The following CTNND2 variants were observed in gnomAD, a reference collection of about 807,000 sequenced individuals.
CTNND2 encodes the protein catenin delta-2.
CTNND2 carries 22 observed loss-of-function variants against 144.4 expected under a neutral mutation model. The ratio of observed to expected loss-of-function variants is 0.15; its 90% CI spans 0.11 to 0.22. CTNND2 has a LOEUF of 0.22. Among genes scored for constraint, CTNND2 ranks in the 10% least tolerant of loss-of-function variants. CTNND2 has a pLI of 1.00. For synonymous variants in CTNND2, 751 were observed against 695.6 expected (o/e 1.08, Z -1.25); for missense variants, 1,353 against 1,618.8 (o/e 0.84, Z 2.82).
At chr5:10,985,130 A>C (rs1737781849) in intron 20 of CTNND2, among the ~76,000 whole-genome samples, 1 of 152,178 alleles carries the variant, frequency 6.6e-6, no homozygotes, top group Non-Finnish European at 1.5e-5. Context: ...AAATGGCATA[A>C]GAAAGACACT....
chr5:11,891,103 C>T (rs1736922825), intron 1 of CTNND2, among the ~76,000 whole-genome samples: 1 of 152,054 alleles, frequency 6.6e-6, no homozygotes, highest in Non-Finnish European at 1.5e-5. Flanking sequence ...GGAGGTTCAA[C>T]CAAGATGAAA....
At chr5:11,629,746 C>T (rs1781326518) in intron 2 of CTNND2, among the ~76,000 whole-genome samples, 1 of 151,928 alleles carries the variant, frequency 6.6e-6, no homozygotes, top group South Asian at 2.1e-4. Context: ...TCATAGCTCA[C>T]TGCATCCTTG....
At chr5:11,369,592 TC>T (rs35203064) in intron 7 of CTNND2, among the ~76,000 whole-genome samples, 9,779 of 152,326 alleles carry the variant, frequency 0.064, 477 homozygotes, top group East Asian at 0.12. Context: ...ATATATTCAT[TC>T]AACACATTCA....
intron 9 of CTNND2, among the ~76,000 whole-genome samples, chr5:11,324,700 C>G (rs540144810): frequency 1.3e-5 from 2 of 152,146 alleles, no homozygotes; most frequent in African/African-American, 4.8e-5. Context: ...TCTTCTCAGC[C>G]GAGGGCAGCC....
At chr5:11,089,377 C>G (rs1008579123) in intron 15 of CTNND2, among the ~76,000 whole-genome samples, 1 of 152,186 alleles carries the variant, frequency 6.6e-6, no homozygotes, top group African/African-American at 2.4e-5. Context: ...GCAAAAACAA[C>G]CTCATGGATG....
chr5:11,704,857 T>A, intron 2 of CTNND2, among the ~76,000 whole-genome samples: 1 of 151,762 alleles, frequency 6.6e-6, no homozygotes, highest in Non-Finnish European at 1.5e-5. Context: ...GAAAACAACA[T>A]AATCACACGT....
intron 9 of CTNND2, among the ~76,000 whole-genome samples, chr5:11,262,761 CAAAAAAAAAAAAAAA>C (rs11289676): frequency 8.3e-4 from 38 of 45,696 alleles, no homozygotes; most frequent in East Asian, 3.7e-3. Flanking sequence ...GACTCTGTCT[CAAAAAAAAAAAAAAA>C]AAAAAAAAAA....
At chr5:11,285,004 T>C (rs2150004131) in intron 9 of CTNND2, among the ~76,000 whole-genome samples, 1 of 152,310 alleles carries the variant, frequency 6.6e-6, no homozygotes, top group Non-Finnish European at 1.5e-5. Flanking sequence ...AGCCTTCTTC[T>C]CAATGAGAGC....
intron 18 of CTNND2, among the ~76,000 whole-genome samples, chr5:11,001,157 C>T (rs1739919528): frequency 6.6e-6 from 1 of 152,168 alleles, no homozygotes; most frequent in Non-Finnish European, 1.5e-5. Flanking sequence ...TCAAACATCC[C>T]CACCTTTGAT....
chr5:11,182,183 G>A (rs1404020533), intron 11 of CTNND2, among the ~76,000 whole-genome samples: 1 of 146,622 alleles, frequency 6.8e-6, no homozygotes, highest in Non-Finnish European at 1.5e-5. Flanking sequence ...GGCGTGTGGT[G>A]TGTGTGGGGT....
chr5:11,698,928 CAAT>C (rs1561706306), intron 2 of CTNND2, among the ~76,000 whole-genome samples: 1 of 150,412 alleles, frequency 6.6e-6, no homozygotes, highest in African/African-American at 2.4e-5. Flanking sequence ...TAATTAATAT[CAAT>C]AAGCATATTT....
At chr5:11,623,174 G>T (rs758357896) in intron 2 of CTNND2, among the ~76,000 whole-genome samples, 1 of 152,066 alleles carries the variant, frequency 6.6e-6, no homozygotes, top group Non-Finnish European at 1.5e-5. Context: ...ATATCAAATC[G>T]GTAGAAGTGT....
chr5:11,893,388 A>T (rs1313586137), intron 1 of CTNND2, among the ~76,000 whole-genome samples: 1 of 152,208 alleles, frequency 6.6e-6, no homozygotes, highest in Admixed American at 6.5e-5. Flanking sequence ...AGGTATATAC[A>T]TCCAGAGCTT....
chr5:11,657,004 G>C (rs1479172402), intron 2 of CTNND2, among the ~76,000 whole-genome samples: 2 of 152,078 alleles, frequency 1.3e-5, no homozygotes, highest in Non-Finnish European at 2.9e-5. Flanking sequence ...AAACATTCCA[G>C]TGACATATTC....
Position 11,098,590 on chromosome 5 carries a change from A to C in CTNND2, c.2622T>G (p.Ala874=). The C allele has an allele frequency of 6.2e-7, 1 of 1,613,930 alleles. No homozygotes were observed. The part of the protein sequence containing the change: ...EGAAGALQNL[A]AGSWKWSVYI... ...CTGGCCATACCTTCCAGCTCCCTGC[A>C]GCCAAGTTCTGCAGGGCGCCTGCCG... The change falls in exon 15 of 22, where the codon GCT becomes GCG. Residue 874 remains alanine, a synonymous_variant. Transcript: ENST00000304623.
At chr5:11,747,745 C>T (rs1464231680) in intron 1 of CTNND2, among the ~76,000 whole-genome samples, 1 of 152,084 alleles carries the variant, frequency 6.6e-6, no homozygotes, top group African/African-American at 2.4e-5. Context: ...CGTGCTTAAG[C>T]CAGTCACAAC....
intron 1 of CTNND2, among the ~76,000 whole-genome samples, chr5:11,743,799 G>A (rs765674478): frequency 3.9e-5 from 6 of 152,224 alleles, no homozygotes; most frequent in South Asian, 4.2e-4. Flanking sequence ...GGGGATTACC[G>A]TTCTACCTCT....
chr5:11,729,417 T>C (rs1787204475), intron 2 of CTNND2, among the ~76,000 whole-genome samples: 2 of 152,160 alleles, frequency 1.3e-5, no homozygotes. Flanking sequence ...TAAATATGTA[T>C]AAACCAAAAA....
chr5:11,164,717 A>T (rs2149776742), intron 11 of CTNND2, among the ~76,000 whole-genome samples: 1 of 152,214 alleles, frequency 6.6e-6, no homozygotes, highest in Non-Finnish European at 1.5e-5. Flanking sequence ...TCTTCCATTC[A>T]CGTCAACTTA....
Sources: gnomAD v4.1 joint callset for allele counts (sites outside exome capture counted in the v4.1 genomes callset) on GRCh38, gnomAD v4.1.1 for gene constraint, MANE v1.5 for transcripts, NCBI Gene and HGNC (gene_info 2026-07-23, HGNC 2026-07-21) for gene names.